BCAS3: variants seen among roughly 807,000 people sequenced by gnomAD.
BCAS3 encodes BCAS4/BCAS3 fusion.
In BCAS3, 53 loss-of-function variants were observed where a neutral mutation model predicts 116.1. The ratio of observed to expected loss-of-function variants is 0.46; its 90% confidence interval spans 0.37 to 0.57. The LOEUF (loss-of-function observed/expected upper bound fraction) is 0.57. Among genes scored for constraint, BCAS3 ranks in the 20% least tolerant of loss-of-function variants. The pLI, the probability that BCAS3 is intolerant of heterozygous loss-of-function variation, is 0.00. For synonymous variants in BCAS3, 391 were observed against 408.2 expected, an observed-to-expected ratio of 0.96 and a Z score of 0.51; for missense variants, 917 against 1,165.4, an observed-to-expected ratio of 0.79 and a Z score of 3.10.
intron 15 of BCAS3, among the ~76,000 whole-genome samples, chr17:61,006,279 T>C (rs979506860): frequency 2.6e-5 from 4 of 152,092 alleles, no homozygotes; most frequent in African/African-American, 9.7e-5. Flanking sequence ...AAAGATAAGT[T>C]CTGCAAATGT....
intron 22 of BCAS3, among the ~76,000 whole-genome samples, chr17:61,210,851 A>G (rs948013725): frequency 1.3e-5 from 2 of 152,052 alleles, no homozygotes; most frequent in African/African-American, 4.8e-5. Context: ...TTTCACGGAC[A>G]TTTTTCTTTT....
In BCAS3 at chr17:61,065,022, T is replaced by C. The variant is rs546825715; in HGVS notation, c.2030-9898T>C. 6.6e-6 allele frequency among the ~76,000 whole-genome samples: 1 copy of C among 152,336 alleles called. No individual in the cohort carries two copies. Among genetic ancestry groups the C allele is most frequent in the South Asian group, 2.1e-4 (1 of 4,822 alleles). ...GTCACATTTATAAATCAGTGTGAAT[T>C]TAATACTACCCATTTTCAAGTAGTT... On this transcript the variant is annotated intron_variant, in intron 19 of 23. Transcript: ENST00000407086. The surrounding 1 kb of genome is among the most constrained non-coding windows in gnomAD (Gnocchi z 4.8).
In BCAS3 at chr17:61,265,603, A is replaced by T. The variant is rs2049622992; in HGVS notation, c.2426-102724A>T. The stretch of plus-strand genomic sequence containing the variant: ...CTACAATTCATGTTGACTTTACGTA[A>T]GGATTGCCAATTCATGCCCAAACTT... On this transcript the variant is annotated intron_variant, in intron 22 of 23. Coordinates refer to ENST00000407086, the MANE Select transcript of BCAS3 (RefSeq NM_017679.5). The surrounding 1 kb of genome is among the most constrained non-coding windows in gnomAD (Gnocchi z 4.3). Among the ~76,000 whole-genome samples, 1 of 152,212 alleles carries T rather than the reference A, an allele frequency of 6.6e-6. No individual in the cohort carries two copies. Among genetic ancestry groups the T allele is most frequent in the South Asian group, 2.1e-4 (1 of 4,832 alleles).
chr17:61,033,124 T>C (rs960466908), intron 16 of BCAS3, among the ~76,000 whole-genome samples: 15 of 152,290 alleles, frequency 9.8e-5, no homozygotes, highest in African/African-American at 3.1e-4. Flanking sequence ...GAGGGCCATA[T>C]AGAAAAGTTA....
At chr17:61,275,741 C>T (rs559648820) in intron 22 of BCAS3, among the ~76,000 whole-genome samples, 26 of 152,280 alleles carry the variant, frequency 1.7e-4, no homozygotes, top group African/African-American at 5.8e-4. Context: ...ACATGTAGCC[C>T]GGCAGGCTGG....
intron 4 of BCAS3, among the ~76,000 whole-genome samples, chr17:60,695,443 A>G (rs925898713): frequency 3.3e-5 from 5 of 152,100 alleles, no homozygotes; most frequent in African/African-American, 9.7e-5. Context: ...TCATTCATTT[A>G]TTGAAAGACA....
chr17:60,975,912 A>G (rs2062315692), intron 14 of BCAS3, among the ~76,000 whole-genome samples: 1 of 151,012 alleles, frequency 6.6e-6, no homozygotes, highest in Non-Finnish European at 1.5e-5. Context: ...ATTTCATTAT[A>G]TGGATATATG....
intron 19 of BCAS3, among the ~76,000 whole-genome samples, chr17:61,064,052 C>A (rs1459607132): frequency 6.6e-6 from 1 of 152,152 alleles, no homozygotes; most frequent in East Asian, 1.9e-4. Flanking sequence ...TTTTTGAAGA[C>A]CCCTCCTAAA....
At chr17:61,078,978 A>G (rs1431690607) in intron 21 of BCAS3, among the ~76,000 whole-genome samples, 1 of 152,118 alleles carries the variant, frequency 6.6e-6, no homozygotes. Context: ...ATTCAATTAT[A>G]GTTTATCTTC....
intron 6 of BCAS3, among the ~76,000 whole-genome samples, chr17:60,797,711 G>A (rs1217054537): frequency 6.6e-6 from 1 of 152,060 alleles, no homozygotes; most frequent in Non-Finnish European, 1.5e-5. Context: ...AGGCCCTGGT[G>A]TATGATGTTC....
intron 2 of BCAS3, among the ~76,000 whole-genome samples, chr17:60,681,654 T>C (rs1268548551): frequency 8.4e-5 from 12 of 142,692 alleles, no homozygotes; most frequent in East Asian, 2.2e-4. Context: ...TGGGTTCAAA[T>C]GATTCTCTTG....
At chr17:60,870,820 C>T (rs2055035798) in intron 8 of BCAS3, among the ~76,000 whole-genome samples, 1 of 152,088 alleles carries the variant, frequency 6.6e-6, no homozygotes, top group African/African-American at 2.4e-5. Context: ...GTCTTGACTC[C>T]TACAACAAAA....
rs764716628 is a variant in BCAS3 at position 60,886,083 on chromosome 17, A to G, written c.662-3612A>G. 8.7e-3 allele frequency among the ~76,000 whole-genome samples: 994 copies of G among 114,872 alleles called. 3 individuals are homozygous for G. Among genetic ancestry groups the G allele is most frequent in the South Asian group, 0.014 (41 of 2,952 alleles). 75.4% of individuals were successfully genotyped at this position (114,872 alleles called of 152,430 possible). On this transcript the variant is annotated intron_variant, in intron 9 of 23. Coordinates refer to ENST00000407086, the MANE Select transcript of BCAS3 (RefSeq NM_017679.5). ...TCTCCCCATCACTTTCAGGTACACC[A>G]ATCAGACGTAGATTTGGTCTTTTCA...
chr17:61,201,214 G>GA lies in BCAS3; in HGVS notation c.2425+116652dup, dbSNP rs1309437885. Among the ~76,000 whole-genome samples, 2 of 152,238 alleles carry GA rather than the reference G, an allele frequency of 1.3e-5. 1 individual carries two copies. The highest frequency in any genetic ancestry group is 2.9e-5 in the Non-Finnish European group (2 of 68,044). Reference sequence around the variant, plus strand: ...CAGGTATCTGCTAGAGGCAAAGTCAGAACGAATGAGGAGGCCTGCAGACAG... The same window carrying GA: ...CAGGTATCTGCTAGAGGCAAAGTCAGAAACGAATGAGGAGGCCTGCAGACAG... On this transcript the variant is annotated intron_variant, in intron 22 of 23. Transcript: ENST00000407086.
At chr17:60,733,510 T>G (rs1402569250) in intron 5 of BCAS3, among the ~76,000 whole-genome samples, 1 of 152,192 alleles carries the variant, frequency 6.6e-6, no homozygotes, top group African/African-American at 2.4e-5. Flanking sequence ...AGGCATTCTT[T>G]TCCTATGATC....
At chr17:61,267,259 G>A (rs576416748) in intron 22 of BCAS3, among the ~76,000 whole-genome samples, 17 of 146,196 alleles carry the variant, frequency 1.2e-4, no homozygotes, top group African/African-American at 2.9e-4. Context: ...AGGTTTCACC[G>A]TGTTAGCCAG....
chr17:60,819,072 T>C (rs924142667), intron 7 of BCAS3, among the ~76,000 whole-genome samples: 2 of 152,196 alleles, frequency 1.3e-5, no homozygotes, highest in Non-Finnish European at 2.9e-5. Flanking sequence ...CTCTTTCTCA[T>C]GTGGCTTAGG....
rs2060148455 is a variant in BCAS3, at chr17:61,391,860, C to A, written c.2594-117C>A. ...CAGGGAGCAGGCGGGGATCCCCCTG[C>A]GGAAGGACACAAGTGAACCCAGAAT... On this transcript the variant is annotated intron_variant, in intron 23 of 23. Coordinates refer to ENST00000407086, the MANE Select transcript of BCAS3 (RefSeq NM_017679.5). The surrounding 1 kb of genome is among the most constrained non-coding windows in gnomAD (Gnocchi z 7.7). The A allele has an allele frequency of 7.9e-6, 9 of 1,132,078 alleles. No individual in the cohort carries two copies. The highest frequency in any genetic ancestry group is 1.0e-5 in the Non-Finnish European group (8 of 793,864). The allele number at this position is 1,132,078 out of a possible 1,614,324, so 70.1% of individuals were successfully genotyped here.
At chr17:60,820,486 T>C (rs1437618610) in intron 7 of BCAS3, among the ~76,000 whole-genome samples, 4 of 152,128 alleles carry the variant, frequency 2.6e-5, no homozygotes, top group African/African-American at 9.7e-5. Context: ...AGGAACAAGA[T>C]ATAGAGAATG....
Sources: allele counts gnomAD v4.1 joint callset (sites outside exome capture counted in the v4.1 genomes callset), GRCh38; gene constraint gnomAD v4.1.1; non-coding constraint Gnocchi (gnomAD v3.1); transcripts MANE v1.5; gene names NCBI Gene and HGNC (gene_info 2026-07-23, HGNC 2026-07-21).